The following GNG2 variants were observed in gnomAD, a reference collection of about 807,000 sequenced individuals.
The protein encoded by GNG2 is guanine nucleotide-binding protein G(I)/G(S)/G(O) subunit gamma-2.
In GNG2, 5 loss-of-function variants were observed where a neutral mutation model predicts 5.5. That is an observed-to-expected ratio of 0.91 (90% CI 0.48 to 1.92). The LOEUF (loss-of-function observed/expected upper bound fraction) is 1.92, where lower values mean the gene tolerates loss of function less well. GNG2 is among the 30% of genes most tolerant of loss of function. The pLI, the probability that GNG2 is intolerant of heterozygous loss-of-function variation, is 0.01. For synonymous variants in GNG2, 28 were observed against 32.0 expected, an observed-to-expected ratio of 0.88 and a Z score of 0.42; for missense variants, 55 against 88.4, an observed-to-expected ratio of 0.62 and a Z score of 1.52.
chr14:51,830,978 C>T (rs9972184), intron 2 of GNG2, among the ~76,000 whole-genome samples: 2,820 of 152,280 alleles, frequency 0.019, 83 homozygotes, highest in African/African-American at 0.064. Flanking sequence ...ACCTTCTGTC[C>T]TGCCTCTCTC....
At chr14:51,946,498 A>G (rs1202849559) in intron 2 of GNG2, among the ~76,000 whole-genome samples, 2 of 152,202 alleles carry the variant, frequency 1.3e-5, no homozygotes, top group Non-Finnish European at 2.9e-5. Context: ...ATAAAAAACC[A>G]TTGGGTGGAA....
intron 2 of GNG2, among the ~76,000 whole-genome samples, chr14:51,846,677 C>T (rs1881636653): frequency 6.6e-6 from 1 of 152,132 alleles, no homozygotes; most frequent in African/African-American, 2.4e-5. Context: ...GGGCTCTAGT[C>T]ACCTGAGAAT....
chr14:51,879,507 A>G (rs1322455218), intron 2 of GNG2, among the ~76,000 whole-genome samples: 2 of 152,196 alleles, frequency 1.3e-5, no homozygotes, highest in African/African-American at 4.8e-5. Context: ...GAACAACACA[A>G]ATGTATTATC....
At chr14:51,896,915 G>A (rs1885228099) in intron 2 of GNG2, among the ~76,000 whole-genome samples, 1 of 152,062 alleles carries the variant, frequency 6.6e-6, no homozygotes, top group Non-Finnish European at 1.5e-5. Context: ...TGTCATTATT[G>A]AACATAACAT....
chr14:51,857,628 A>T (rs1882223354), upstream of GNG2, among the ~76,000 whole-genome samples: 1 of 152,184 alleles, frequency 6.6e-6, no homozygotes, highest in South Asian at 2.1e-4. Flanking sequence ...TGCACAGAAA[A>T]AACCAAAGCA....
chr14:51,871,331 C>CAAAAA (rs5808638), intron 1 of GNG2, among the ~76,000 whole-genome samples: 2 of 145,178 alleles, frequency 1.4e-5, no homozygotes, highest in African/African-American at 2.5e-5. Flanking sequence ...AATTCCTAGG[C>CAAAAA]AAAAAAAAAA....
intron 2 of GNG2, among the ~76,000 whole-genome samples, chr14:51,889,093 T>C (rs1884656468): frequency 6.8e-6 from 1 of 147,912 alleles, no homozygotes; most frequent in South Asian, 2.1e-4. Context: ...TGACTGCTAA[T>C]GGGTATGGGT....
intron 2 of GNG2, among the ~76,000 whole-genome samples, chr14:51,895,054 A>AC (rs58619331): frequency 6.6e-5 from 10 of 151,930 alleles, no homozygotes; most frequent in African/African-American, 2.4e-4. Context: ...GAAAAAAAAA[A>AC]CAATGAACTT....
chr14:51,935,021 C>CTTTTTTTTTT (rs1370410276), intron 2 of GNG2, among the ~76,000 whole-genome samples: 1 of 111,302 alleles, frequency 9.0e-6, no homozygotes, highest in Non-Finnish European at 1.8e-5. Context: ...AGCCCAGTTT[C>CTTTTTTTTTT]TTTCTTTTTT....
intron 2 of GNG2, among the ~76,000 whole-genome samples, chr14:51,898,010 G>T (rs1044114055): frequency 1.3e-5 from 2 of 152,106 alleles, no homozygotes; most frequent in Admixed American, 1.3e-4. Flanking sequence ...TTCTCTAGAG[G>T]GTTCATGCTC....
chr14:51,865,993 A>T (rs1882851640), intron 1 of GNG2, among the ~76,000 whole-genome samples: 1 of 152,208 alleles, frequency 6.6e-6, no homozygotes, highest in African/African-American at 2.4e-5. Flanking sequence ...TAGTGATAAC[A>T]TGTTTCTTAG....
intron 2 of GNG2, among the ~76,000 whole-genome samples, chr14:51,911,726 T>G (rs1045369847): frequency 7.6e-6 from 1 of 131,984 alleles, no homozygotes; most frequent in Non-Finnish European, 1.6e-5. Context: ...TAAAAAAACA[T>G]TTATAGAGAC....
At chr14:51,890,437 TAAAAC>T (rs1396336986) in intron 2 of GNG2, among the ~76,000 whole-genome samples, 5 of 152,232 alleles carry the variant, frequency 3.3e-5, no homozygotes, top group Non-Finnish European at 7.3e-5. Context: ...AGGGTAAAAG[TAAAAC>T]CAATGTAACT....
At chr14:51,879,011 A>G (rs1389712276) in intron 2 of GNG2, among the ~76,000 whole-genome samples, 1 of 152,214 alleles carries the variant, frequency 6.6e-6, no homozygotes, top group African/African-American at 2.4e-5. Flanking sequence ...CATCTTTGGT[A>G]TCCCTGTCCT....
chr14:51,948,370 A>G (rs1460916275), intron 2 of GNG2, among the ~76,000 whole-genome samples: 1 of 152,202 alleles, frequency 6.6e-6, no homozygotes, highest in African/African-American at 2.4e-5. Context: ...GTCACTGGCC[A>G]GAATCTCAAA....
chr14:51,856,419 T>C (rs1882159863), upstream of GNG2, among the ~76,000 whole-genome samples: 1 of 152,306 alleles, frequency 6.6e-6, no homozygotes, highest in Non-Finnish European at 1.5e-5. Context: ...GCTTTCTTTT[T>C]AATATTTCTT....
chr14:51,959,840 T>C (rs1889491565), intron 3 of GNG2, among the ~76,000 whole-genome samples: 1 of 152,182 alleles, frequency 6.6e-6, no homozygotes, highest in Non-Finnish European at 1.5e-5. Flanking sequence ...ACTTTTTTAT[T>C]TTCTTATGAA....
chr14:51,912,256 G>C (rs1886342780), intron 2 of GNG2, among the ~76,000 whole-genome samples: 1 of 152,116 alleles, frequency 6.6e-6, no homozygotes, highest in Non-Finnish European at 1.5e-5. Flanking sequence ...GAATGGGGGA[G>C]ATATAGTAAG....
intron 1 of GNG2, among the ~76,000 whole-genome samples, chr14:51,826,516 C>A (rs1199432365): frequency 6.6e-6 from 1 of 152,060 alleles, no homozygotes; most frequent in Non-Finnish European, 1.5e-5. Context: ...GTCTCCAGAA[C>A]CAATACCCCA....
Sources: gnomAD v4.1 joint callset for allele counts (sites outside exome capture counted in the v4.1 genomes callset) on GRCh38, gnomAD v4.1.1 for gene constraint, MANE v1.5 for transcripts, NCBI Gene and HGNC (gene_info 2026-07-23, HGNC 2026-07-21) for gene names.